Variants in MKNK2 observed in about 807,000 individuals in gnomAD.
MKNK2 encodes MAP kinase-interacting serine/threonine-protein kinase 2.
Under a neutral mutation model 55.0 loss-of-function variants are expected in MKNK2, and 54 were observed. The observed-to-expected ratio is 0.98, with a 90% CI of 0.79 to 1.23. MKNK2 has a LOEUF of 1.23. Among genes scored for constraint, MKNK2 ranks in the 50% most tolerant of loss-of-function variants. The pLI is 0.00. For synonymous variants in MKNK2, 323 were observed against 256.0 expected (o/e 1.26, Z -2.50); for missense variants, 685 against 632.1 (o/e 1.08, Z -0.90).
Position 2,039,867 on chromosome 19 carries a change from G to A in MKNK2, c.1155-11C>T, listed in dbSNP as rs763903532. 1.9e-6 allele frequency: 3 copies of A among 1,586,460 alleles called. No homozygotes were observed. The highest frequency in any genetic ancestry group is 3.4e-5 in the Admixed American group (2 of 59,608). On this transcript the variant is annotated splice_polypyrimidine_tract_variant and intron_variant, in intron 13 of 13. Transcript: ENST00000250896. Reference sequence around the variant, plus strand: ...TTGGCACAGCTGTTCCTGGGAAACGGGGTGGGGGTAGGTGGTCACCAAGAG... The same window carrying A: ...TTGGCACAGCTGTTCCTGGGAAACGAGGTGGGGGTAGGTGGTCACCAAGAG...
intron 13 of MKNK2, 53 bp downstream of exon 13, chr19:2,040,081 T>A: frequency 1.3e-6 from 2 of 1,542,274 alleles, no homozygotes; most frequent in Non-Finnish European, 1.8e-6. Flanking sequence ...TGTCTTAACC[T>A]GGAAACCCCG....
chr19:2,040,943 G>A, intron 12 of MKNK2, 97 bp downstream of exon 12: 1 of 1,195,238 alleles, frequency 8.4e-7, no homozygotes, highest in Non-Finnish European at 1.2e-6. Context: ...GCATCTCAGG[G>A]TGTCCAGGCT....
intron 5 of MKNK2, among the ~76,000 whole-genome samples, chr19:2,045,770 T>C (rs1159983839): frequency 6.6e-6 from 1 of 152,142 alleles, no homozygotes; most frequent in Admixed American, 6.5e-5. Flanking sequence ...GGGCTCCTGC[T>C]CCCAGCCCTT....
intron 7 of MKNK2, 82 bp downstream of exon 7, chr19:2,043,042 C>T: frequency 1.5e-6 from 2 of 1,339,330 alleles, no homozygotes; most frequent in Non-Finnish European, 2.1e-6. Flanking sequence ...CCCACAAGCC[C>T]CCTCCTGCAG....
chr19:2,038,098 G>A lies in MKNK2; in HGVS notation c.*1515C>T, dbSNP rs1599375990. On this transcript the variant is annotated 3_prime_UTR_variant, in exon 14 of 14. Transcript: ENST00000250896. ...GGCAGTGGGGACCAGGGAAGGCAGA[G>A]CACCCCCACGGCCACCGGACTGTGA... 8.9e-7 allele frequency: 1 copy of A among 1,127,396 alleles called. No individual in the cohort carries two copies. Among genetic ancestry groups the A allele is most frequent in the Non-Finnish European group, 1.1e-6 (1 of 918,078 alleles). 69.8% of individuals were successfully genotyped at this position (1,127,396 alleles called of 1,614,324 possible). A position where few individuals can be genotyped will look rare whatever the true frequency, so the allele number is the denominator to read the frequency against.
intron 5 of MKNK2, among the ~76,000 whole-genome samples, chr19:2,045,164 A>G (rs2016970768): frequency 6.6e-6 from 1 of 151,998 alleles, no homozygotes; most frequent in African/African-American, 2.4e-5. Context: ...AGATCCCAAC[A>G]CTGACCACAC....
At chr19:2,040,757 C>T (rs2016859383) in intron 12 of MKNK2, 4 of 483,674 alleles carry the variant, frequency 8.3e-6, no homozygotes, top group African/African-American at 1.9e-5. Flanking sequence ...GCTCGCTGCC[C>T]GCTTCGCTCC....
intron 11 of MKNK2, 148 bp downstream of exon 11, chr19:2,041,692 C>T: frequency 1.6e-6 from 1 of 625,934 alleles, no homozygotes; most frequent in Non-Finnish European, 2.7e-6. Context: ...GCACACAGGG[C>T]AGGTCCCCGA....
At chr19:2,040,994 G>A (rs752291452) in intron 12 of MKNK2, 46 bp downstream of exon 12, 4 of 1,597,740 alleles carry the variant, frequency 2.5e-6, no homozygotes, top group Non-Finnish European at 3.4e-6. Context: ...AGGCCACCCT[G>A]CAGCGCCCCC....
At chr19:2,042,944 A>C (rs1599381625) in intron 7 of MKNK2, 74 bp from the exon 8 acceptor site, 1 of 1,463,738 alleles carries the variant, frequency 6.8e-7, no homozygotes, top group South Asian at 1.2e-5. Flanking sequence ...GCCAGCACCC[A>C]CCTCCACTTT....
intron 5 of MKNK2, 102 bp from the exon 6 acceptor site, chr19:2,043,684 C>A (rs1391086399): frequency 9.7e-7 from 1 of 1,031,610 alleles, no homozygotes; most frequent in Non-Finnish European, 1.5e-6. Context: ...CCACACTTAA[C>A]GCCCTGCAAC....
Position 2,040,169 on chromosome 19 carries a change from C to A in MKNK2, c.1119G>T (p.Pro373=). The change falls in exon 13 of 14, where the codon CCG becomes CCT. Residue 373 remains proline (P), a synonymous_variant. Transcript: ENST00000250896. ...CCATGGGAGTGGGCAAGGTGTTCTCCGGGGCGCACTGCAACGAGAGTGGGC... is the reference window on the plus strand; with the variant it reads ...CCATGGGAGTGGGCAAGGTGTTCTCAGGGGCGCACTGCAACGAGAGTGGGC... ...LQHPWVQGCA[P]ENTLPTPMVL... 6.3e-7 allele frequency: 1 copy of A among 1,584,736 alleles called. No homozygotes were observed.
chr19:2,047,605 G>C (rs1054721616), intron 2 of MKNK2, among the ~76,000 whole-genome samples: 3 of 152,112 alleles, frequency 2.0e-5, no homozygotes, highest in African/African-American at 7.2e-5. Context: ...TGAGTCACTA[G>C]GCGGGCTGCC....
At position 2,042,675 on chromosome 19, in the gene MKNK2, C is replaced by A; in HGVS notation, c.599-13G>T. The A allele has an allele frequency of 1.3e-6, 2 of 1,558,660 alleles. No homozygotes were observed. The highest frequency in any genetic ancestry group is 8.7e-7 in the Non-Finnish European group (1 of 1,150,204). The stretch of plus-strand genomic sequence containing the variant: ...CTGTGGGCGATGCCTGGGGGAGAAG[C>A]CACAGAACCACGACGGGGTGAGGGT... On this transcript the variant is annotated splice_polypyrimidine_tract_variant and intron_variant, in intron 8 of 13. Transcript: ENST00000250896.
In MKNK2 at chr19:2,042,477, T is replaced by A; in HGVS notation, c.700A>T (p.Lys234Ter). ...ATAGGGGAGCAGTCCCCGTTGAGTT[T>A]GATGCCGCTGCCCAGGTCGAAGTCA... is the stretch of plus-strand genomic sequence containing the variant. Reference protein sequence around the residue: ...ICDFDLGSGIKLNGDCSPIST... With the variant: ...ICDFDLGSGI Residue 234 changes from lysine to a stop codon, truncating the protein, a stop_gained, in exon 10 of 14, where the codon AAA becomes TAA. Transcript: ENST00000250896. LOFTEE classifies it high-confidence loss of function. 4.4e-6 allele frequency: 7 copies of A among 1,596,552 alleles called. No homozygotes were observed. Among genetic ancestry groups the A allele is most frequent in the Non-Finnish European group, 6.0e-6 (7 of 1,173,094 alleles).
At chr19:2,042,234 C>A (rs1021852310) in intron 10 of MKNK2, 193 bp downstream of exon 10, 10 of 717,986 alleles carry the variant, frequency 1.4e-5, no homozygotes, top group African/African-American at 3.8e-5. Flanking sequence ...CCCCGCCCCA[C>A]CCGGCCAAAC....
chr19:2,046,586 C>A lies in MKNK2; in HGVS notation c.139+18G>T, dbSNP rs760466781. On this transcript the variant is annotated intron_variant, in intron 3 of 13. Coordinates refer to ENST00000250896, the MANE Select transcript of MKNK2 (RefSeq NM_199054.3). ...GACAGCAGCTGCCCTGTGCCCTCCT[C>A]CCCCTCGGGCCCCTCACCAGGGCGG... The A allele has an allele frequency of 6.4e-7, 1 of 1,556,270 alleles. No individual in the cohort carries two copies. The highest frequency in any genetic ancestry group is 8.7e-7 in the Non-Finnish European group (1 of 1,151,174).
Position 2,039,049 on chromosome 19 carries a change from C to G in MKNK2, c.*564G>C. 3 of 986,544 alleles carry G rather than the reference C, an allele frequency of 3.0e-6. No individual in the cohort carries two copies. Among genetic ancestry groups the G allele is most frequent in the East Asian group, 2.3e-4 (2 of 8,818 alleles). 61.1% of individuals were successfully genotyped at this position (986,544 alleles called of 1,614,324 possible). The stretch of plus-strand genomic sequence containing the variant: ...GGTGGGTGGGTGAGCTGCCTGCCAC[C>G]TGCCTGCCTGACACCTCCAGAGACA... On this transcript the variant is annotated 3_prime_UTR_variant, in exon 14 of 14. Transcript: ENST00000250896.
chr19:2,043,568 C>T lies in MKNK2; in HGVS notation c.354G>A (p.Gln118=), dbSNP rs759026119. The change falls in exon 6 of 14, where the codon CAG becomes CAA. Residue 118 remains glutamine, a synonymous_variant. Coordinates refer to ENST00000250896, the MANE Select transcript of MKNK2 (RefSeq NM_199054.3). The part of the protein sequence containing the change: ...QEYAVKIIEK[Q]PGHIRSRVFR... ...AAACCCTGCTCCGAATGTGGCCTGGCTGCTTCTCAATGATCTGAAACAGGC... is the reference window on the plus strand; with the variant it reads ...AAACCCTGCTCCGAATGTGGCCTGGTTGCTTCTCAATGATCTGAAACAGGC... 1.9e-6 allele frequency: 3 copies of T among 1,614,058 alleles called. No homozygotes were observed. The South Asian group carries it at 3.3e-5, about 18-fold the overall frequency.
Sources: gnomAD v4.1 joint callset for allele counts (sites outside exome capture counted in the v4.1 genomes callset) on GRCh38, gnomAD v4.1.1 for gene constraint, MANE v1.5 for transcripts, NCBI Gene and HGNC (gene_info 2026-07-23, HGNC 2026-07-21) for gene names.